Variants in MCC observed in about 807,000 individuals in gnomAD.
MCC encodes colorectal mutant cancer protein.
In MCC, 90 loss-of-function variants were observed where a neutral mutation model predicts 116.2. The observed-to-expected ratio is 0.77, with a 90% CI of 0.65 to 0.92. The LOEUF (loss-of-function observed/expected upper bound fraction) is 0.92, where lower values mean the gene tolerates loss of function less well. Ranked by LOEUF, MCC falls within the 40% of genes least tolerant of loss-of-function variation. The pLI is 0.00. For missense variants in MCC, 1,516 were observed against 1,312.2 expected, an observed-to-expected ratio of 1.16 and a Z score of -2.40; for synonymous variants, 578 against 510.5, an observed-to-expected ratio of 1.13 and a Z score of -1.78.
At chr5:113,028,658 G>GAT (rs1336670214) in intron 18 of MCC, among the ~76,000 whole-genome samples, 1 of 152,168 alleles carries the variant, frequency 6.6e-6, no homozygotes, top group Non-Finnish European at 1.5e-5. Flanking sequence ...GAACATTTAA[G>GAT]ATACATAATA....
chr5:113,434,022 T>C lies in MCC; in HGVS notation c.171-48810A>G. On this transcript the variant is annotated intron_variant, in intron 1 of 18. Transcript: ENST00000408903. This position sits in a 1 kb window ranked among gnomAD's most constrained non-coding sequence, Gnocchi z 4.2. ...AGAGGGAGATCCCCGTGCCTTGGGCTGCATCCAGCAGTGGCTGAGGATCTC... is the reference window on the plus strand; with the variant it reads ...AGAGGGAGATCCCCGTGCCTTGGGCCGCATCCAGCAGTGGCTGAGGATCTC... 1 of 1,614,050 alleles carries C rather than the reference T, an allele frequency of 6.2e-7. No individual in the cohort carries two copies. Among genetic ancestry groups the C allele is most frequent in the African/African-American group, 1.3e-5 (1 of 75,052 alleles).
intron 1 of MCC, among the ~76,000 whole-genome samples, chr5:113,442,521 T>G (rs1771071664): frequency 1.3e-5 from 2 of 152,230 alleles, no homozygotes; most frequent in African/African-American, 4.8e-5. Context: ...CATTTGTCAA[T>G]TTTGGCTTTT....
At chr5:113,484,770 C>T (rs186965220) in intron 1 of MCC, among the ~76,000 whole-genome samples, 15 of 152,132 alleles carry the variant, frequency 9.9e-5, no homozygotes, top group South Asian at 8.3e-4. Flanking sequence ...TTATATTGAA[C>T]GGTAAAAACA....
chr5:113,207,729 T>C (rs1036011191), intron 3 of MCC, among the ~76,000 whole-genome samples: 2 of 152,196 alleles, frequency 1.3e-5, no homozygotes, highest in Non-Finnish European at 2.9e-5. Context: ...GAGTTATACC[T>C]ACTGAGTGAA....
chr5:113,073,311 C>T (rs1359662810), intron 11 of MCC, among the ~76,000 whole-genome samples: 2 of 152,172 alleles, frequency 1.3e-5, no homozygotes, highest in Non-Finnish European at 2.9e-5. Flanking sequence ...GGCCCCTGGC[C>T]CCATCCTGCC....
At position 113,189,614 on chromosome 5, in the gene MCC, C is replaced by T. The variant is rs371924404; in HGVS notation, c.628-38192G>A. On this transcript the variant is annotated intron_variant, in intron 3 of 18. Transcript: ENST00000408903. ...ACTATCTTACCCCTTTATAGTCACA[C>T]GATACAGAATAAATAAAAGTGAATC... is the stretch of plus-strand genomic sequence containing the variant. Among the ~76,000 whole-genome samples the T allele has an allele frequency of 3.1e-4, 47 of 152,106 alleles. 1 individual carries two copies. In the East Asian group the frequency reaches 4.3e-3, roughly 14 times the overall value.
At chr5:113,411,906 T>C (rs954472030) in intron 1 of MCC, among the ~76,000 whole-genome samples, 1 of 152,222 alleles carries the variant, frequency 6.6e-6, no homozygotes, top group African/African-American at 2.4e-5. Flanking sequence ...TAGTTTTTGG[T>C]CTAACATTTA....
intron 6 of MCC, among the ~76,000 whole-genome samples, chr5:113,109,825 G>A (rs1052077430): frequency 2.0e-5 from 3 of 152,088 alleles, no homozygotes; most frequent in Non-Finnish European, 1.5e-5. Flanking sequence ...AGCAAGAGAA[G>A]GAAGAAAGAG....
In MCC at chr5:113,455,854, T is replaced by G. The variant is rs1771528125; in HGVS notation, c.170+32391A>C. Among the ~76,000 whole-genome samples, 4 of 152,350 alleles carry G rather than the reference T, an allele frequency of 2.6e-5. No individual in the cohort carries two copies. In the South Asian group the frequency reaches 8.3e-4, roughly 32 times the overall value. ...AAGCCGTCCATTTTACAGCTTTCTG[T>G]ATTCAGAATTGCAGATAAAGAAGAA... On this transcript the variant is annotated intron_variant, in intron 1 of 18. Coordinates refer to ENST00000408903, the MANE Select transcript of MCC (RefSeq NM_001085377.2).
At chr5:113,258,479 C>T (rs185047375) in intron 3 of MCC, among the ~76,000 whole-genome samples, 3 of 152,344 alleles carry the variant, frequency 2.0e-5, no homozygotes, top group African/African-American at 7.2e-5. Flanking sequence ...AGATTAACCA[C>T]AGTATTAGAT....
chr5:113,478,954 C>T (rs549633763), intron 1 of MCC, among the ~76,000 whole-genome samples: 10 of 152,302 alleles, frequency 6.6e-5, no homozygotes, highest in Admixed American at 2.0e-4. Flanking sequence ...GCACTCCATA[C>T]GTGTTAGCTG....
At chr5:113,315,407 A>G (rs1004688703) in intron 3 of MCC, among the ~76,000 whole-genome samples, 4 of 152,192 alleles carry the variant, frequency 2.6e-5, no homozygotes, top group Non-Finnish European at 5.9e-5. Flanking sequence ...ATCATATGAA[A>G]TTGCTTTTAA....
At chr5:113,153,476 G>C (rs1016954967) in intron 3 of MCC, among the ~76,000 whole-genome samples, 1 of 152,192 alleles carries the variant, frequency 6.6e-6, no homozygotes, top group African/African-American at 2.4e-5. Flanking sequence ...ACCGGGCTTA[G>C]AGTGATAATA....
chr5:113,102,084 T>A, intron 7 of MCC, 139 bp from the exon 8 acceptor site: 1 of 769,956 alleles, frequency 1.3e-6, no homozygotes, highest in Non-Finnish European at 2.1e-6. Context: ...TGATCATGAC[T>A]ACAGACACCC....
intron 9 of MCC, 65 bp downstream of exon 9, chr5:113,085,099 T>C: frequency 1.9e-6 from 3 of 1,607,182 alleles, no homozygotes; most frequent in Non-Finnish European, 2.6e-6. Flanking sequence ...GTGGCTAGGA[T>C]GAGCCTGGTG....
At chr5:113,149,845 T>A (rs556198478) in intron 4 of MCC, among the ~76,000 whole-genome samples, 1 of 152,130 alleles carries the variant, frequency 6.6e-6, no homozygotes, top group African/African-American at 2.4e-5. Context: ...CTGAGTGGCA[T>A]CAGCTTGGGG....
chr5:113,340,535 A>G lies in MCC; in HGVS notation c.611T>C (p.Leu204Pro), dbSNP rs757769178. ...AGTACTCACTGTGTTGGCCAGCTCT[A>G]GATAGCTTCCTCCTACAGAGTTGCC... is the stretch of plus-strand genomic sequence containing the variant. ...HIGNSVGGSY[L>P]ELANTLHSAA... Residue 204 changes from leucine to proline, a missense_variant, in exon 3 of 19, where the codon CTA becomes CCA. Coordinates refer to ENST00000408903, the MANE Select transcript of MCC (RefSeq NM_001085377.2). 1 of 1,614,172 alleles carries G rather than the reference A, an allele frequency of 6.2e-7. No homozygotes were observed. Among genetic ancestry groups the G allele is most frequent in the Non-Finnish European group, 8.5e-7 (1 of 1,179,988 alleles).
intron 1 of MCC, among the ~76,000 whole-genome samples, chr5:113,465,755 A>T (rs1055206611): frequency 1.3e-5 from 2 of 152,224 alleles, no homozygotes; most frequent in South Asian, 4.1e-4. Flanking sequence ...AATGAAAAAG[A>T]TGTCCAAACT....
chr5:113,254,472 A>G (rs911882751), intron 3 of MCC, among the ~76,000 whole-genome samples: 7 of 152,246 alleles, frequency 4.6e-5, no homozygotes, highest in Non-Finnish European at 8.8e-5. Flanking sequence ...AATAAATTAT[A>G]GTTTTGAGAG....
Sources: allele counts gnomAD v4.1 joint callset (sites outside exome capture counted in the v4.1 genomes callset), GRCh38; gene constraint gnomAD v4.1.1; non-coding constraint Gnocchi (gnomAD v3.1); transcripts MANE v1.5; gene names NCBI Gene and HGNC (gene_info 2026-07-23, HGNC 2026-07-21).